The following KAZN variants were observed in gnomAD, a reference collection of about 807,000 sequenced individuals.
KAZN encodes the protein kazrin.
A neutral mutation model predicts 87.4 loss-of-function variants in KAZN; 40 were observed. The ratio of observed to expected loss-of-function variants is 0.46; its 90% confidence interval spans 0.36 to 0.60. The LOEUF (loss-of-function observed/expected upper bound fraction) is 0.60. Among genes scored for constraint, KAZN ranks in the 20% least tolerant of loss-of-function variants. KAZN has a pLI of 0.00. For synonymous variants in KAZN, 466 were observed against 458.3 expected, an observed-to-expected ratio of 1.02 and a Z score of -0.22; for missense variants, 898 against 1,073.9, an observed-to-expected ratio of 0.84 and a Z score of 2.29.
At chr1:14,962,778 A>G (rs1045563835) in intron 2 of KAZN, among the ~76,000 whole-genome samples, 8 of 152,008 alleles carry the variant, frequency 5.3e-5, no homozygotes, top group Admixed American at 6.6e-5. Context: ...TCTCACCCCT[A>G]TGTGCTCTTC....
intron 1 of KAZN, among the ~76,000 whole-genome samples, chr1:13,983,445 C>A (rs183711325): frequency 1.3e-5 from 2 of 152,252 alleles, no homozygotes; most frequent in African/African-American, 4.8e-5. Context: ...CAGGGCCGGC[C>A]GGCTGCTCTG....
intron 10 of KAZN, among the ~76,000 whole-genome samples, chr1:15,100,922 T>C (rs1641031482): frequency 2.0e-5 from 3 of 151,842 alleles, no homozygotes; most frequent in Middle Eastern, 3.4e-3. Context: ...GATGCGCCGA[T>C]CAGGTGGGCC....
Position 13,894,401 on chromosome 1 carries a change from T to TA in KAZN, c.91+656dup, listed in dbSNP as rs58728430. ...TTGCTAGGATGCACATGTGGTCACATAAAAAAAAAAAGGTGAGGATGGATG... is the reference window on the plus strand; with the variant it reads ...TTGCTAGGATGCACATGTGGTCACATAAAAAAAAAAAAGGTGAGGATGGATG... On this transcript the variant is annotated intron_variant, in intron 1 of 16. Transcript: ENST00000636203. Among the ~76,000 whole-genome samples the TA allele has an allele frequency of 2.0e-5, 3 of 150,266 alleles. No individual in the cohort carries two copies. The South Asian group carries it at 6.3e-4, about 32-fold the overall frequency.
intron 2 of KAZN, among the ~76,000 whole-genome samples, chr1:14,551,887 C>T (rs1450722298): frequency 6.6e-6 from 1 of 152,098 alleles, no homozygotes; most frequent in African/African-American, 2.4e-5. Context: ...CCTCCTTGGC[C>T]CCGTGGGATG....
intron 1 of KAZN, among the ~76,000 whole-genome samples, chr1:14,857,257 G>A (rs1247990274): frequency 1.3e-5 from 2 of 152,338 alleles, no homozygotes; most frequent in Admixed American, 6.5e-5. Context: ...AGGCGTGGTG[G>A]CTCCCACCTG....
chr1:14,757,083 G>A (rs1644590188), intron 1 of KAZN, among the ~76,000 whole-genome samples: 3 of 152,220 alleles, frequency 2.0e-5, no homozygotes, highest in African/African-American at 7.2e-5. Context: ...AAGCTCAGAA[G>A]TTTGCAGAGA....
At chr1:14,342,521 T>C (rs1239321930) in intron 2 of KAZN, among the ~76,000 whole-genome samples, 7 of 152,242 alleles carry the variant, frequency 4.6e-5, no homozygotes, top group Admixed American at 2.6e-4. Context: ...CTTTGCCATA[T>C]CCTCAGTGCC....
At chr1:14,404,072 C>T (rs1031027046) in intron 2 of KAZN, among the ~76,000 whole-genome samples, 3 of 152,122 alleles carry the variant, frequency 2.0e-5, no homozygotes, top group East Asian at 1.9e-4. Flanking sequence ...TTGCATAGCA[C>T]GCAAAGAACT....
At chr1:14,273,735 C>T (rs978504323) in intron 2 of KAZN, among the ~76,000 whole-genome samples, 1 of 152,170 alleles carries the variant, frequency 6.6e-6, no homozygotes. Context: ...TCAATAGCTA[C>T]GTCCTTTCCT....
chr1:14,631,565 C>T (rs1464171314), intron 1 of KAZN, among the ~76,000 whole-genome samples: 3 of 152,236 alleles, frequency 2.0e-5, no homozygotes, highest in African/African-American at 7.2e-5. Context: ...CCAGGGCCTG[C>T]TGCTACCTTG....
intron 1 of KAZN, among the ~76,000 whole-genome samples, chr1:14,602,945 C>T (rs1677091927): frequency 6.6e-6 from 1 of 152,280 alleles, no homozygotes; most frequent in South Asian, 2.1e-4. Flanking sequence ...AGGCAAGGGT[C>T]GGTTTCCTGT....
chr1:14,181,765 A>T (rs532619058), intron 2 of KAZN, among the ~76,000 whole-genome samples: 65 of 152,330 alleles, frequency 4.3e-4, no homozygotes, highest in African/African-American at 1.5e-3. Context: ...ACTCAGAAAA[A>T]AGGGAAATTT....
chr1:15,025,434 A>T (rs908522489), intron 2 of KAZN, among the ~76,000 whole-genome samples: 1 of 152,204 alleles, frequency 6.6e-6, no homozygotes, highest in South Asian at 2.1e-4. Flanking sequence ...GTTCTCAAAC[A>T]TGCCAGCCCT....
At chr1:14,393,713 A>G (rs1230974408) in intron 2 of KAZN, among the ~76,000 whole-genome samples, 1 of 151,966 alleles carries the variant, frequency 6.6e-6, no homozygotes, top group Non-Finnish European at 1.5e-5. Context: ...TAAATCAGAG[A>G]GAATTGCTAT....
chr1:14,634,539 A>C (rs1334344656), intron 1 of KAZN, among the ~76,000 whole-genome samples: 1 of 152,258 alleles, frequency 6.6e-6, no homozygotes, highest in African/African-American at 2.4e-5. Flanking sequence ...ACAATACAAT[A>C]GCATGGAGTA....
chr1:14,385,810 C>CTGT (rs1487874798), intron 2 of KAZN, among the ~76,000 whole-genome samples: 2 of 149,306 alleles, frequency 1.3e-5, no homozygotes, highest in Non-Finnish European at 3.0e-5. Context: ...GTGGAGAGTT[C>CTGT]TGTAGATGTC....
chr1:14,292,217 A>G (rs1653760148), intron 2 of KAZN, among the ~76,000 whole-genome samples: 1 of 152,226 alleles, frequency 6.6e-6, no homozygotes, highest in African/African-American at 2.4e-5. Context: ...CACAGAAGCA[A>G]TGAAAGTAAG....
intron 1 of KAZN, chr1:14,924,249 G>A: frequency 4.1e-6 from 4 of 981,870 alleles, no homozygotes; most frequent in Non-Finnish European, 4.8e-6. Context: ...CGGGCGGGAG[G>A]CGGGGGCGGG....
At chr1:14,431,326 C>T (rs1167908746) in intron 2 of KAZN, among the ~76,000 whole-genome samples, 7 of 152,112 alleles carry the variant, frequency 4.6e-5, no homozygotes, top group Non-Finnish European at 8.8e-5. Context: ...GTTAATTTAT[C>T]CAAGCCCAAA....
Sources: allele counts gnomAD v4.1 joint callset (sites outside exome capture counted in the v4.1 genomes callset), GRCh38; gene constraint gnomAD v4.1.1; transcripts MANE v1.5; gene names NCBI Gene and HGNC (gene_info 2026-07-23, HGNC 2026-07-21).